Variants in SMOX observed in about 807,000 individuals in gnomAD.
SMOX encodes spermine oxidase, also known as flavin containing amine oxidase.
Under a neutral mutation model 51.0 loss-of-function variants are expected in SMOX, and 22 were observed. The ratio of observed to expected loss-of-function variants is 0.43; its 90% CI spans 0.31 to 0.62. The LOEUF (loss-of-function observed/expected upper bound fraction) is 0.62. Among genes scored for constraint, SMOX ranks in the 20% least tolerant of loss-of-function variants. The pLI, the probability that SMOX is intolerant of heterozygous loss-of-function variation, is 0.10. For synonymous variants in SMOX, 282 were observed against 307.8 expected (o/e 0.92, Z 0.88); for missense variants, 566 against 777.7 (o/e 0.73, Z 3.24).
rs61731560 is a variant in SMOX, at chr20:4,183,534, G to A, written c.1410G>A (p.Ser470=). The A allele has an allele frequency of 2.0e-5, 32 of 1,614,028 alleles. No homozygotes were observed. The highest frequency in any genetic ancestry group is 2.3e-5 in the Non-Finnish European group (27 of 1,180,046). The part of the protein sequence containing the change: ...NIPKPRRILR[S]AWGSNPYFRG... ...CAAAACCTCGGCGAATCTTGCGCTC[G>A]GCCTGGGGCAGCAACCCTTACTTCC... The change falls in exon 6 of 7, where the codon TCG becomes TCA. Residue 470 remains serine, a synonymous_variant. Coordinates refer to ENST00000305958, the MANE Select transcript of SMOX (RefSeq NM_175839.3). The surrounding 1 kb of genome is among the most constrained non-coding windows in gnomAD (Gnocchi z 4.3).
At chr20:4,155,319 C>T (rs6037775) in intron 1 of SMOX, among the ~76,000 whole-genome samples, 5,207 of 152,166 alleles carry the variant, frequency 0.034, 315 homozygotes, top group African/African-American at 0.12. Context: ...TTGTTGCTGC[C>T]GCTGATGGTT....
chr20:4,180,465 C>G (rs1420280728), intron 3 of SMOX, among the ~76,000 whole-genome samples: 1 of 152,228 alleles, frequency 6.6e-6, no homozygotes, highest in Non-Finnish European at 1.5e-5. Context: ...TTCATCAGCT[C>G]AGCCACAGGG....
chr20:4,151,564 A>G (rs1203983921), intron 1 of SMOX, among the ~76,000 whole-genome samples: 1 of 151,826 alleles, frequency 6.6e-6, no homozygotes, highest in Non-Finnish European at 1.5e-5. Context: ...TGGACAACCT[A>G]AGCTTTCTCC....
At chr20:4,176,766 G>A (rs561270088) in intron 2 of SMOX, among the ~76,000 whole-genome samples, 4 of 152,236 alleles carry the variant, frequency 2.6e-5, no homozygotes, top group African/African-American at 7.2e-5. Flanking sequence ...GCCCCAGTCC[G>A]GCTCTCAGGG....
intron 1 of SMOX, among the ~76,000 whole-genome samples, chr20:4,162,030 GC>G (rs1327462391): frequency 6.6e-6 from 1 of 152,174 alleles, no homozygotes; most frequent in African/African-American, 2.4e-5. Flanking sequence ...CAGCGCCTGT[GC>G]CTGCCCCGCC....
chr20:4,163,338 C>T lies in SMOX; in HGVS notation c.-26-11692C>T, dbSNP rs139005907. 1.1e-4 allele frequency among the ~76,000 whole-genome samples: 16 copies of T among 152,304 alleles called. No homozygotes were observed. The East Asian group carries it at 2.9e-3, about 28-fold the overall frequency. On this transcript the variant is annotated intron_variant, in intron 1 of 6. Coordinates refer to ENST00000305958, the MANE Select transcript of SMOX (RefSeq NM_175839.3). ...TGGGAGAAGTTCCTGTCTCTTGGGCCTTATAAGCTGTAGGGCCTGGGCCAG... is the reference window on the plus strand; with the variant it reads ...TGGGAGAAGTTCCTGTCTCTTGGGCTTTATAAGCTGTAGGGCCTGGGCCAG...
At chr20:4,152,000 A>G in intron 1 of SMOX, among the ~76,000 whole-genome samples, 1 of 152,254 alleles carries the variant, frequency 6.6e-6, no homozygotes. Flanking sequence ...AGTGACCCTG[A>G]GGATTTTTAT....
chr20:4,151,697 C>T (rs768983463), intron 1 of SMOX, among the ~76,000 whole-genome samples: 11 of 152,210 alleles, frequency 7.2e-5, no homozygotes, highest in Admixed American at 2.0e-4. Flanking sequence ...TCCTCAAATG[C>T]CTTCCCAGTC....
At chr20:4,165,988 A>G (rs1986554873) in intron 1 of SMOX, among the ~76,000 whole-genome samples, 1 of 152,358 alleles carries the variant, frequency 6.6e-6, no homozygotes, top group African/African-American at 2.4e-5. Flanking sequence ...ACATACACAA[A>G]GATGGGAAGC....
chr20:4,182,128 G>T lies in SMOX; in HGVS notation c.649G>T (p.Val217Leu). ...GAGCAGCTCACACAGCATGGACGAG[G>T]TGTCCCTGAGCGCCTTCGGGGAGTG... ...CESSSHSMDE[V>L]SLSAFGEWTE... Residue 217 changes from valine (V) to leucine (L), a missense_variant, in exon 5 of 7, where the codon GTG (valine) becomes TTG (leucine). Around this residue, in one of 3 missense-constraint regions of SMOX, gnomAD observed 347 missense variants for 481.8 expected, o/e 0.72. Coordinates refer to ENST00000305958, the MANE Select transcript of SMOX (RefSeq NM_175839.3). The surrounding 1 kb of genome is among the most constrained non-coding windows in gnomAD (Gnocchi z 8.4). 6.2e-7 allele frequency: 1 copy of T among 1,606,936 alleles called. No homozygotes were observed. Among genetic ancestry groups the T allele is most frequent in the Non-Finnish European group, 8.5e-7 (1 of 1,175,768 alleles).
chr20:4,165,853 C>T (rs911350673), intron 1 of SMOX, among the ~76,000 whole-genome samples: 17 of 152,194 alleles, frequency 1.1e-4, no homozygotes, highest in Admixed American at 5.9e-4. Context: ...CAGCAGATCT[C>T]TGGTTGCTGA....
rs1469948535 is a variant in SMOX at position 4,177,498 on chromosome 20, G to A, written c.356G>A (p.Gly119Asp). The change falls in exon 3 of 7, where the codon GGC (glycine) becomes GAC (aspartate). Residue 119 changes from glycine (G) to aspartate (D), a missense_variant. Gly to Asp is a moderately conservative substitution (Grantham distance 94, BLOSUM62 -1). Transcript: ENST00000305958. This position sits in a 1 kb window ranked among gnomAD's most constrained non-coding sequence, Gnocchi z 4.3. ...CGCATCAGCCTCTATTCCAAGAATG[G>A]CGTGGCCTGCTACCTTACCAACCAC... ...VGRISLYSKN[G>D]VACYLTNHGR... 1 of 1,590,234 alleles carries A rather than the reference G, an allele frequency of 6.3e-7. No individual in the cohort carries two copies. The highest frequency in any genetic ancestry group is 8.6e-7 in the Non-Finnish European group (1 of 1,167,090).
chr20:4,184,442 A>G (rs4815663), intron 6 of SMOX, among the ~76,000 whole-genome samples: 90,283 of 151,466 alleles, frequency 0.6, 27,535 homozygotes, highest in Non-Finnish European at 0.67. Flanking sequence ...TTTTCCCAAT[A>G]TATTTCAGAA....
At chr20:4,162,831 C>T (rs1187250432) in intron 1 of SMOX, among the ~76,000 whole-genome samples, 1 of 152,228 alleles carries the variant, frequency 6.6e-6, no homozygotes, top group African/African-American at 2.4e-5. Flanking sequence ...TGCTTCCTGG[C>T]TCCTGTCCTC....
In SMOX at chr20:4,175,025, T is replaced by C. The variant is rs370545762; in HGVS notation, c.-26-5T>C. 8.3e-5 allele frequency: 133 copies of C among 1,611,570 alleles called. No homozygotes were observed. Among genetic ancestry groups the C allele is most frequent in the Admixed American group, 1.8e-4 (11 of 59,976 alleles). ...ACTAAGCTGTGACACCTCCTCCCCC[T>C]GCAGGTTCCTAGAAGGTGAGCGCGG... is the stretch of plus-strand genomic sequence containing the variant. On this transcript the variant is annotated splice_polypyrimidine_tract_variant and splice_region_variant and intron_variant, in intron 1 of 6. Transcript: ENST00000305958.
intron 1 of SMOX, among the ~76,000 whole-genome samples, chr20:4,157,952 G>A (rs1187192438): frequency 2.6e-5 from 4 of 152,048 alleles, no homozygotes; most frequent in Non-Finnish European, 4.4e-5. Flanking sequence ...CCAGGCTGGA[G>A]TGCAGCGGCG....
rs147384231 is a variant in SMOX, at chr20:4,187,326, C to A, written c.1587C>A (p.Thr529=). The A allele has an allele frequency of 4.3e-6, 7 of 1,614,234 alleles. No homozygotes were observed. Among genetic ancestry groups the A allele is most frequent in the South Asian group, 3.3e-5 (3 of 91,086 alleles). Residue 529 remains threonine (T), a synonymous_variant, in exon 7 of 7, where the codon ACC becomes ACA. Transcript: ENST00000305958. The surrounding 1 kb of genome is among the most constrained non-coding windows in gnomAD (Gnocchi z 4.8). ...EATHRKYYST[T]HGALLSGQRE... ...CCCACCGCAAGTACTATTCCACCAC[C>A]CACGGTGCTCTGCTGTCCGGCCAGC...
Position 4,183,338 on chromosome 20 carries a change from C to A in SMOX, c.1370-156C>A. The A allele has an allele frequency of 9.1e-7, 1 of 1,101,564 alleles. No individual in the cohort carries two copies. The highest frequency in any genetic ancestry group is 1.3e-6 in the Non-Finnish European group (1 of 743,100). 68.2% of individuals were successfully genotyped at this position (1,101,564 alleles called of 1,614,324 possible). On this transcript the variant is annotated intron_variant, in intron 5 of 6. Coordinates refer to ENST00000305958, the MANE Select transcript of SMOX (RefSeq NM_175839.3). The surrounding 1 kb of genome is among the most constrained non-coding windows in gnomAD (Gnocchi z 4.3). Reference sequence around the variant, plus strand: ...GTGGGTACACAGCTCGAGCCCCAGCCTCCCTCCTTCCTCTTCTATCCTCCG... The same window carrying A: ...GTGGGTACACAGCTCGAGCCCCAGCATCCCTCCTTCCTCTTCTATCCTCCG...
chr20:4,186,232 A>G (rs1484637642), intron 6 of SMOX, among the ~76,000 whole-genome samples: 1 of 152,200 alleles, frequency 6.6e-6, no homozygotes, highest in Non-Finnish European at 1.5e-5. Flanking sequence ...GCTTGAGCCC[A>G]GGAAGTTGAG....
Sources: allele counts gnomAD v4.1 joint callset (sites outside exome capture counted in the v4.1 genomes callset), GRCh38; gene constraint gnomAD v4.1.1; regional missense constraint gnomAD v4.1.1; non-coding constraint Gnocchi (gnomAD v3.1); transcripts MANE v1.5; gene names NCBI Gene and HGNC (gene_info 2026-07-23, HGNC 2026-07-21).